The following PDZRN4 variants were observed in gnomAD, a reference collection of about 807,000 sequenced individuals.
The protein encoded by PDZRN4 is PDZ domain containing ring finger 4.
Under a neutral mutation model 99.0 loss-of-function variants are expected in PDZRN4, and 70 were observed. The ratio of observed to expected loss-of-function variants is 0.71; its 90% confidence interval spans 0.58 to 0.86. The LOEUF (loss-of-function observed/expected upper bound fraction) is 0.86. PDZRN4 is among the 40% of genes least tolerant of loss of function. PDZRN4 has a pLI of 0.00. For synonymous variants in PDZRN4, 551 were observed against 501.6 expected (o/e 1.10, Z -1.32); for missense variants, 1,474 against 1,331.2 (o/e 1.11, Z -1.67).
At chr12:41,280,528 G>A (rs1951376629) in intron 3 of PDZRN4, among the ~76,000 whole-genome samples, 3 of 152,132 alleles carry the variant, frequency 2.0e-5, no homozygotes, top group Admixed American at 2.0e-4. Context: ...CTTGGTGCGG[G>A]GAGGGGCGTC....
intron 3 of PDZRN4, among the ~76,000 whole-genome samples, chr12:41,281,279 G>T (rs1239665119): frequency 6.6e-6 from 1 of 151,324 alleles, no homozygotes; most frequent in South Asian, 2.1e-4. Context: ...CAAATAGGCT[G>T]AAGATTTCAA....
At chr12:41,567,304 C>T (rs1220829496) in intron 8 of PDZRN4, among the ~76,000 whole-genome samples, 1 of 152,036 alleles carries the variant, frequency 6.6e-6, no homozygotes, top group Non-Finnish European at 1.5e-5. Flanking sequence ...GACATGGGAG[C>T]CCACCTAAAA....
At chr12:41,338,242 T>C (rs1761875714) in intron 3 of PDZRN4, among the ~76,000 whole-genome samples, 1 of 152,186 alleles carries the variant, frequency 6.6e-6, no homozygotes, top group South Asian at 2.1e-4. Context: ...ATTTCAGTAG[T>C]AAAATGTAAC....
intron 3 of PDZRN4, among the ~76,000 whole-genome samples, chr12:41,421,884 A>G (rs1383563469): frequency 6.6e-6 from 1 of 152,230 alleles, no homozygotes; most frequent in Non-Finnish European, 1.5e-5. Flanking sequence ...TAAGTAAACA[A>G]TATATAAAAT....
At chr12:41,519,264 A>G (rs138077180) in intron 5 of PDZRN4, among the ~76,000 whole-genome samples, 102 of 152,126 alleles carry the variant, frequency 6.7e-4, no homozygotes, top group Middle Eastern at 3.4e-3. Flanking sequence ...CAGCTGCACA[A>G]TTCTAAGAGT....
At chr12:41,441,249 A>G (rs944490559) in intron 3 of PDZRN4, among the ~76,000 whole-genome samples, 2 of 152,174 alleles carry the variant, frequency 1.3e-5, no homozygotes, top group Non-Finnish European at 2.9e-5. Flanking sequence ...ACATCAGGGT[A>G]AAGAAATTAA....
rs908845311 is a variant in PDZRN4 at position 41,496,214 on chromosome 12, C to T, written c.844-10242C>T. The stretch of plus-strand genomic sequence containing the variant: ...GCACTCTGTGAGTGCTCACTCAGTG[C>T]GAACTAGTATTACTGTCATTGTCAC... On this transcript the variant is annotated intron_variant, in intron 3 of 9. Coordinates refer to ENST00000402685, the MANE Select transcript of PDZRN4 (RefSeq NM_001164595.2). Among the ~76,000 whole-genome samples the T allele has an allele frequency of 7.2e-5, 11 of 152,138 alleles. No homozygotes were observed. In the East Asian group the frequency reaches 7.7e-4, roughly 11 times the overall value.
chr12:41,525,536 A>G (rs1435541822), intron 5 of PDZRN4, among the ~76,000 whole-genome samples: 1 of 152,216 alleles, frequency 6.6e-6, no homozygotes, highest in African/African-American at 2.4e-5. Context: ...GTGTAAGTAT[A>G]TGCCACATAT....
At chr12:41,396,397 A>G (rs1027868907) in intron 3 of PDZRN4, among the ~76,000 whole-genome samples, 1 of 151,848 alleles carries the variant, frequency 6.6e-6, no homozygotes, top group African/African-American at 2.4e-5. Flanking sequence ...AGCGTTTGCT[A>G]TTGTTGTTGT....
intron 3 of PDZRN4, among the ~76,000 whole-genome samples, chr12:41,225,882 G>A (rs1313147966): frequency 6.6e-6 from 1 of 151,980 alleles, no homozygotes; most frequent in African/African-American, 2.4e-5. Context: ...ATCCTTCTGA[G>A]CTATTCTGGA....
chr12:41,194,742 T>C (rs1334887560), intron 3 of PDZRN4, among the ~76,000 whole-genome samples: 1 of 152,238 alleles, frequency 6.6e-6, no homozygotes, highest in Non-Finnish European at 1.5e-5. Flanking sequence ...TGTTAATGAA[T>C]ACCTCTGTTT....
chr12:41,509,862 T>C lies in PDZRN4; in HGVS notation c.1152T>C (p.Tyr384=). The C allele has an allele frequency of 6.2e-7, 1 of 1,604,658 alleles. No homozygotes were observed. The highest frequency in any genetic ancestry group is 1.1e-5 in the South Asian group (1 of 90,228). ...MEHEFYEDNE[Y]ISSLPADADR... ...ATGAATTTTATGAGGACAATGAGTA[T>C]ATTTCCAGCTTGCCTGCTGATGCAG... is the stretch of plus-strand genomic sequence containing the variant. The change falls in exon 5 of 10, where the codon TAT becomes TAC. Residue 384 remains tyrosine, a synonymous_variant. Coordinates refer to ENST00000402685, the MANE Select transcript of PDZRN4 (RefSeq NM_001164595.2).
At chr12:41,548,970 A>AT (rs1028834438) in intron 5 of PDZRN4, among the ~76,000 whole-genome samples, 4 of 152,016 alleles carry the variant, frequency 2.6e-5, no homozygotes, top group African/African-American at 4.8e-5. Context: ...CTGAAGTTTG[A>AT]TTTTTTTTAA....
intron 3 of PDZRN4, among the ~76,000 whole-genome samples, chr12:41,214,252 T>TAAAAAA (rs60618442): frequency 1.4e-4 from 12 of 84,780 alleles, no homozygotes; most frequent in African/African-American, 5.6e-4. Flanking sequence ...ACCCTGTATT[T>TAAAAAA]AAAAAAAAAA....
At chr12:41,225,261 T>C (rs1950985325) in intron 3 of PDZRN4, among the ~76,000 whole-genome samples, 1 of 152,156 alleles carries the variant, frequency 6.6e-6, no homozygotes, top group Non-Finnish European at 1.5e-5. Flanking sequence ...TAAAGATAGC[T>C]GTAATTTCAG....
At chr12:41,252,027 G>T (rs1393685863) in intron 3 of PDZRN4, among the ~76,000 whole-genome samples, 17 of 151,966 alleles carry the variant, frequency 1.1e-4, no homozygotes, top group Admixed American at 9.9e-4. Context: ...GAGGTGGGAG[G>T]ATTGATTGAG....
intron 3 of PDZRN4, among the ~76,000 whole-genome samples, chr12:41,444,157 T>C (rs1288477891): frequency 2.6e-5 from 4 of 152,100 alleles, no homozygotes; most frequent in Non-Finnish European, 2.9e-5. Context: ...AAATATGCTA[T>C]GTGCTACTCA....
chr12:41,527,668 T>C (rs978316116), intron 5 of PDZRN4, among the ~76,000 whole-genome samples: 1 of 152,230 alleles, frequency 6.6e-6, no homozygotes, highest in Non-Finnish European at 1.5e-5. Context: ...AGCCAACCAC[T>C]GACCAAAGTC....
chr12:41,196,658 T>C (rs1479841726), intron 3 of PDZRN4, among the ~76,000 whole-genome samples: 3 of 152,100 alleles, frequency 2.0e-5, no homozygotes, highest in African/African-American at 4.8e-5. Flanking sequence ...AAGATCCCTA[T>C]GTAATCATTA....
Sources: allele counts gnomAD v4.1 joint callset (sites outside exome capture counted in the v4.1 genomes callset), GRCh38; gene constraint gnomAD v4.1.1; transcripts MANE v1.5; gene names NCBI Gene and HGNC (gene_info 2026-07-23, HGNC 2026-07-21).